Variants in CELF4 observed in about 807,000 individuals in gnomAD.
The protein encoded by CELF4 is CUGBP Elav-like family member 4, also known as CUG-BP- and ETR-3-like factor 4.
A neutral mutation model predicts 59.9 loss-of-function variants in CELF4; 18 were observed. That is an observed-to-expected ratio of 0.30 (90% CI 0.21 to 0.45). The LOEUF (loss-of-function observed/expected upper bound fraction) is 0.45. Ranked by LOEUF, CELF4 falls within the 20% of genes least tolerant of loss-of-function variation. CELF4 has a pLI of 1.00. For synonymous variants in CELF4, 261 were observed against 267.1 expected (o/e 0.98, Z 0.22); for missense variants, 456 against 689.0 (o/e 0.66, Z 3.79).
rs144290388 is a variant in CELF4 at position 37,363,084 on chromosome 18, G to A, written c.370-41203C>T. ...TCTCTGTCTTGGGCACACCCCTGAA[G>A]AGAATTCACCCCAGGAGCCTGGCTG... On this transcript the variant is annotated intron_variant, in intron 2 of 12. Coordinates refer to ENST00000420428, the MANE Select transcript of CELF4 (RefSeq NM_020180.4). Among the ~76,000 whole-genome samples, 461 of 152,276 alleles carry A rather than the reference G, an allele frequency of 3.0e-3. 3 individuals are homozygous for A. Among genetic ancestry groups the A allele is most frequent in the African/African-American group, 0.011 (439 of 41,554 alleles).
chr18:37,339,800 G>A (rs997349364), intron 2 of CELF4, among the ~76,000 whole-genome samples: 3 of 151,258 alleles, frequency 2.0e-5, no homozygotes, highest in Admixed American at 6.6e-5. Flanking sequence ...TGGGTTTCTC[G>A]TGTGTAGACG....
chr18:37,479,683 C>T (rs1022267539), intron 2 of CELF4, among the ~76,000 whole-genome samples: 2 of 152,112 alleles, frequency 1.3e-5, no homozygotes, highest in Admixed American at 1.3e-4. Context: ...CTATTGTAGG[C>T]CTTTATCCTC....
At chr18:37,524,156 G>T (rs893018230) in intron 1 of CELF4, among the ~76,000 whole-genome samples, 1 of 152,170 alleles carries the variant, frequency 6.6e-6, no homozygotes, top group African/African-American at 2.4e-5. Flanking sequence ...TCTTCTCCCC[G>T]CCTTGAATGA....
At chr18:37,563,538 G>GA (rs2099987200) in intron 1 of CELF4, among the ~76,000 whole-genome samples, 2 of 152,016 alleles carry the variant, frequency 1.3e-5, no homozygotes, top group Admixed American at 6.6e-5. Flanking sequence ...ATTGGAAGGG[G>GA]AAAAACTACA....
intron 2 of CELF4, among the ~76,000 whole-genome samples, chr18:37,463,822 T>C (rs1162521675): frequency 6.6e-6 from 1 of 152,158 alleles, no homozygotes. Context: ...TTTTCTTACC[T>C]TTGTGGGTGT....
chr18:37,535,435 AC>A (rs1475937863), intron 1 of CELF4, among the ~76,000 whole-genome samples: 2 of 152,158 alleles, frequency 1.3e-5, no homozygotes, highest in East Asian at 3.9e-4. Flanking sequence ...GAAGTTGCAG[AC>A]TTTCCGAGCA....
chr18:37,322,812 G>C (rs1309884968), intron 2 of CELF4, among the ~76,000 whole-genome samples: 2 of 152,204 alleles, frequency 1.3e-5, no homozygotes, highest in Non-Finnish European at 2.9e-5. Flanking sequence ...AGCCCTTCTT[G>C]CATCTGCATT....
At chr18:37,260,855 C>T (rs1284107450) in intron 10 of CELF4, among the ~76,000 whole-genome samples, 1 of 152,106 alleles carries the variant, frequency 6.6e-6, no homozygotes, top group Non-Finnish European at 1.5e-5. Flanking sequence ...GGCCTCCCCT[C>T]CCTGGACTGC....
chr18:37,486,952 ATCCCCAGCCAGTC>A (rs1419079217), intron 1 of CELF4, among the ~76,000 whole-genome samples: 6 of 152,208 alleles, frequency 3.9e-5, no homozygotes, highest in African/African-American at 1.2e-4. Context: ...GGTCTAGTCC[ATCCCCAGCCAGTC>A]TCCACAGCCA....
chr18:37,466,939 G>T (rs1324900221), intron 2 of CELF4, among the ~76,000 whole-genome samples: 3 of 152,148 alleles, frequency 2.0e-5, no homozygotes, highest in African/African-American at 7.2e-5. Context: ...CACTCAGCGG[G>T]TGTGGAGCCA....
At chr18:37,543,050 G>A (rs2099978903) in intron 1 of CELF4, among the ~76,000 whole-genome samples, 1 of 152,094 alleles carries the variant, frequency 6.6e-6, no homozygotes, top group African/African-American at 2.4e-5. Context: ...CAGCACCTCT[G>A]ACTGTGGTCT....
chr18:37,465,063 A>T (rs1307493500), intron 2 of CELF4, among the ~76,000 whole-genome samples: 1 of 152,138 alleles, frequency 6.6e-6, no homozygotes, highest in Non-Finnish European at 1.5e-5. Flanking sequence ...CTATCAATTA[A>T]AGAGGGCAAT....
At chr18:37,295,338 A>G (rs1332807737) in intron 3 of CELF4, among the ~76,000 whole-genome samples, 2 of 152,256 alleles carry the variant, frequency 1.3e-5, no homozygotes, top group Non-Finnish European at 2.9e-5. Context: ...CAGATCTTGA[A>G]TCCAGATTGG....
intron 2 of CELF4, among the ~76,000 whole-genome samples, chr18:37,348,152 G>A (rs867196096): frequency 6.6e-6 from 1 of 152,034 alleles, no homozygotes; most frequent in Non-Finnish European, 1.5e-5. Context: ...TCTCTCTTGC[G>A]CCTCCTTCTC....
At chr18:37,484,003 T>C (rs2099875853) in intron 2 of CELF4, among the ~76,000 whole-genome samples, 2 of 152,100 alleles carry the variant, frequency 1.3e-5, no homozygotes, top group African/African-American at 4.8e-5. Context: ...ATTCCCAGCC[T>C]CTCCCCTTTC....
At position 37,383,468 on chromosome 18, in the gene CELF4, A is replaced by G. The variant is rs1311922585; in HGVS notation, c.370-61587T>C. ...AAGGATGTTTCCTTCAAGCAGTTAA[A>G]ATGAAAGTTTAAAAGTTTTGATGCT... On this transcript the variant is annotated intron_variant, in intron 2 of 12. Coordinates refer to ENST00000420428, the MANE Select transcript of CELF4 (RefSeq NM_020180.4). Among the ~76,000 whole-genome samples the G allele has an allele frequency of 3.9e-5, 6 of 152,338 alleles. No homozygotes were observed. In the East Asian group the frequency reaches 1.2e-3, roughly 29 times the overall value.
chr18:37,488,363 T>G (rs577302321), intron 1 of CELF4, among the ~76,000 whole-genome samples: 1 of 152,310 alleles, frequency 6.6e-6, no homozygotes, highest in African/African-American at 2.4e-5. Flanking sequence ...CTGTTTCTGC[T>G]TGGTTCTCAG....
At chr18:37,559,371 A>C (rs1221200327) in intron 1 of CELF4, among the ~76,000 whole-genome samples, 3 of 152,086 alleles carry the variant, frequency 2.0e-5, no homozygotes, top group African/African-American at 7.2e-5. Flanking sequence ...TCCTACCCAC[A>C]GACACATAGG....
chr18:37,347,025 G>C lies in CELF4; in HGVS notation c.370-25144C>G, dbSNP rs188142520. Among the ~76,000 whole-genome samples, 9 of 152,216 alleles carry C rather than the reference G, an allele frequency of 5.9e-5. No homozygotes were observed. In the East Asian group the frequency reaches 1.7e-3, roughly 29 times the overall value. ...GAGGGCTCATATGCCAAGGCTGAAG[G>C]GGGAGGGACAGTGGGTGGGTCTGGG... On this transcript the variant is annotated intron_variant, in intron 2 of 12. Coordinates refer to ENST00000420428, the MANE Select transcript of CELF4 (RefSeq NM_020180.4).
Sources: gnomAD v4.1 joint callset for allele counts (sites outside exome capture counted in the v4.1 genomes callset) on GRCh38, gnomAD v4.1.1 for gene constraint, MANE v1.5 for transcripts, NCBI Gene and HGNC (gene_info 2026-07-23, HGNC 2026-07-21) for gene names.